PEX14: variants seen among roughly 807,000 people sequenced by gnomAD.
The protein encoded by PEX14 is peroxisomal membrane protein PEX14.
PEX14 carries 15 observed loss-of-function variants against 49.5 expected under a neutral mutation model. The ratio of observed to expected loss-of-function variants is 0.30; its 90% CI spans 0.20 to 0.47. The LOEUF is 0.47. Ranked by LOEUF, PEX14 falls within the 20% of genes least tolerant of loss-of-function variation. PEX14 has a pLI of 1.00. For synonymous variants in PEX14, 210 were observed against 212.7 expected, an observed-to-expected ratio of 0.99 and a Z score of 0.11; for missense variants, 398 against 494.8, an observed-to-expected ratio of 0.80 and a Z score of 1.86.
At chr1:10,615,427 A>T (rs1462783492) in intron 4 of PEX14, among the ~76,000 whole-genome samples, 1 of 152,246 alleles carries the variant, frequency 6.6e-6, no homozygotes, top group South Asian at 2.1e-4. Context: ...ACTCAAAATG[A>T]GATCAATGCA....
intron 3 of PEX14, among the ~76,000 whole-genome samples, chr1:10,565,990 C>T (rs1036368035): frequency 6.6e-6 from 1 of 152,228 alleles, no homozygotes; most frequent in African/African-American, 2.4e-5. Context: ...TATTTACTTA[C>T]ATCTCTCTAG....
At chr1:10,610,971 G>T (rs542964204) in intron 4 of PEX14, among the ~76,000 whole-genome samples, 1 of 152,120 alleles carries the variant, frequency 6.6e-6, no homozygotes, top group East Asian at 1.9e-4. Context: ...AACCAGGCTG[G>T]GTGCGGTTGC....
At chr1:10,513,893 C>G (rs1641926424) in intron 2 of PEX14, among the ~76,000 whole-genome samples, 2 of 152,316 alleles carry the variant, frequency 1.3e-5, no homozygotes, top group South Asian at 4.1e-4. Flanking sequence ...TACCAGTGCA[C>G]TGGGATCTCC....
At chr1:10,553,849 T>A (rs1639403542) in intron 3 of PEX14, among the ~76,000 whole-genome samples, 1 of 152,190 alleles carries the variant, frequency 6.6e-6, no homozygotes, top group African/African-American at 2.4e-5. Flanking sequence ...TCAACCTGTT[T>A]GCTGATCTGG....
chr1:10,497,108 A>G (rs1367730573), intron 2 of PEX14, among the ~76,000 whole-genome samples: 1 of 152,020 alleles, frequency 6.6e-6, no homozygotes, highest in Non-Finnish European at 1.5e-5. Context: ...TAAATTTTTT[A>G]TATTAAACTC....
Position 10,629,573 on chromosome 1 carries a change from C to T in PEX14, c.720C>T (p.Ser240=). 6.2e-6 allele frequency: 10 copies of T among 1,614,002 alleles called. No individual in the cohort carries two copies. Among genetic ancestry groups the T allele is most frequent in the South Asian group, 1.1e-5 (1 of 91,080 alleles). The part of the protein sequence containing the change: ...PPSPSAPKIP[S]WQIPVKSPSP... ...CCCCATCAGCCCCGAAGATCCCCTC[C>T]TGGCAGATCCCAGTCAAGTCACCGT... Residue 240 remains serine, a synonymous_variant, in exon 9 of 9, where the codon TCC becomes TCT. Coordinates refer to ENST00000356607, the MANE Select transcript of PEX14 (RefSeq NM_004565.3). This position sits in a 1 kb window ranked among gnomAD's most constrained non-coding sequence, Gnocchi z 8.5.
chr1:10,489,778 G>C (rs181127930), intron 1 of PEX14, among the ~76,000 whole-genome samples: 287 of 152,338 alleles, frequency 1.9e-3, no homozygotes, highest in Non-Finnish European at 3.2e-3. Flanking sequence ...GGCGTGCTCT[G>C]CTGGGGATCC....
At chr1:10,607,916 G>A (rs1052985625) in intron 4 of PEX14, among the ~76,000 whole-genome samples, 2 of 152,016 alleles carry the variant, frequency 1.3e-5, no homozygotes, top group Non-Finnish European at 2.9e-5. Flanking sequence ...TATGATTCAT[G>A]GTTTTGCATC....
At chr1:10,576,569 G>A (rs561647589) in intron 3 of PEX14, among the ~76,000 whole-genome samples, 1 of 151,618 alleles carries the variant, frequency 6.6e-6, no homozygotes, top group Admixed American at 6.5e-5. Context: ...GTGAAGCGAA[G>A]CTCCTTTCAA....
chr1:10,615,553 CAG>C, intron 4 of PEX14, among the ~76,000 whole-genome samples: 2 of 152,314 alleles, frequency 1.3e-5, no homozygotes, highest in South Asian at 4.1e-4. Flanking sequence ...CGCAGCGGCT[CAG>C]GGTGAATTAT....
chr1:10,501,732 T>C (rs1026692579), intron 2 of PEX14, among the ~76,000 whole-genome samples: 5 of 152,094 alleles, frequency 3.3e-5, no homozygotes, highest in African/African-American at 1.2e-4. Flanking sequence ...TTCGGCAACA[T>C]AGTGAAACCC....
At chr1:10,572,405 C>A (rs1161013939) in intron 3 of PEX14, among the ~76,000 whole-genome samples, 1 of 152,044 alleles carries the variant, frequency 6.6e-6, no homozygotes, top group Non-Finnish European at 1.5e-5. Flanking sequence ...AGCCTACTAA[C>A]CATAGAACAA....
intron 3 of PEX14, among the ~76,000 whole-genome samples, chr1:10,583,817 A>G (rs796615917): frequency 6.6e-6 from 1 of 152,122 alleles, no homozygotes; most frequent in South Asian, 2.1e-4. Flanking sequence ...GAGTTTCAGG[A>G]AAAGGGAATG....
intron 2 of PEX14, among the ~76,000 whole-genome samples, chr1:10,535,648 C>T (rs1638777016): frequency 6.6e-6 from 1 of 152,042 alleles, no homozygotes; most frequent in South Asian, 2.1e-4. Context: ...ATTATGTCTT[C>T]AATTATATGG....
At chr1:10,543,622 G>A (rs1639081966) in intron 3 of PEX14, among the ~76,000 whole-genome samples, 1 of 152,102 alleles carries the variant, frequency 6.6e-6, no homozygotes, top group Non-Finnish European at 1.5e-5. Flanking sequence ...CTGGGGTTAG[G>A]ACCCAATATT....
intron 1 of PEX14, among the ~76,000 whole-genome samples, chr1:10,476,942 G>A (rs140272646): frequency 2.5e-3 from 378 of 152,172 alleles, no homozygotes; most frequent in African/African-American, 8.5e-3. Context: ...AGGATCTAAG[G>A]TCCTTTAAGG....
At chr1:10,500,241 TAAAA>T (rs1280986298) in intron 2 of PEX14, among the ~76,000 whole-genome samples, 1 of 137,914 alleles carries the variant, frequency 7.3e-6, no homozygotes. Context: ...CGTCTCTACT[TAAAA>T]AAAAAAAAAA....
chr1:10,486,790 C>T (rs1413647335), intron 1 of PEX14, among the ~76,000 whole-genome samples: 3 of 150,830 alleles, frequency 2.0e-5, no homozygotes, highest in Non-Finnish European at 4.4e-5. Context: ...TGGGTTCAAG[C>T]GATTCTCTGC....
At chr1:10,626,438 G>A (rs1641746948) in intron 7 of PEX14, among the ~76,000 whole-genome samples, 1 of 152,192 alleles carries the variant, frequency 6.6e-6, no homozygotes, top group Non-Finnish European at 1.5e-5. Context: ...GAGACCTACA[G>A]GCCCTCTGAA....
Sources: gnomAD v4.1 joint callset for allele counts (sites outside exome capture counted in the v4.1 genomes callset) on GRCh38, gnomAD v4.1.1 for gene constraint, Gnocchi (gnomAD v3.1) non-coding constraint, MANE v1.5 for transcripts, NCBI Gene and HGNC (gene_info 2026-07-23, HGNC 2026-07-21) for gene names.